The following FANCA variants were observed in gnomAD, a reference collection of about 807,000 sequenced individuals.
FANCA encodes the protein Fanconi anemia group A protein.
FANCA carries 236 observed loss-of-function variants against 194.3 expected under a neutral mutation model. The ratio of observed to expected loss-of-function variants is 1.21; its 90% CI spans 1.09 to 1.35. The LOEUF (loss-of-function observed/expected upper bound fraction) is 1.35, where lower values mean the gene tolerates loss of function less well. Among genes scored for constraint, FANCA ranks in the 40% most tolerant of loss-of-function variants. The pLI, the probability that FANCA is intolerant of heterozygous loss-of-function variation, is 0.00. For missense variants in FANCA, 2,628 were observed against 1,813.9 expected (o/e 1.45, Z -8.15); for synonymous variants, 1,014 against 715.8 (o/e 1.42, Z -6.65).
At chr16:89,803,153 T>C in intron 8 of FANCA, 106 bp downstream of exon 8, 6 of 1,084,118 alleles carry the variant, frequency 5.5e-6, no homozygotes, top group South Asian at 1.2e-5. Context: ...ACCCCGTAAA[T>C]AGGTACAAAC....
At position 89,783,091 on chromosome 16, in the gene FANCA, G is replaced by C. The variant is rs1431996844; in HGVS notation, c.1482C>G (p.Leu494=). The C allele has an allele frequency of 2.5e-6, 4 of 1,612,904 alleles. No homozygotes were observed. The highest frequency in any genetic ancestry group is 2.5e-6 in the Non-Finnish European group (3 of 1,179,024). Residue 494 remains leucine (L), a synonymous_variant, in exon 16 of 43, where the codon CTC becomes CTG. Transcript: ENST00000389301. ...ACTTGCCGGGAACCAGGGGTGGGTG[G>C]AGAATGTGCACCTGAGGATAGATAG... is the stretch of plus-strand genomic sequence containing the variant. ...ESPRYLQVHI[L]HPPLVPGKYR...
intron 36 of FANCA, chr16:89,744,719 T>G (rs2062205353): frequency 1.8e-6 from 1 of 554,598 alleles, no homozygotes; most frequent in African/African-American, 1.9e-5. Flanking sequence ...GCCGTTGGAG[T>G]GATCTCGGCT....
chr16:89,756,582 T>C (rs2038774160), intron 30 of FANCA, among the ~76,000 whole-genome samples: 1 of 152,004 alleles, frequency 6.6e-6, no homozygotes. Flanking sequence ...CTGCAGTCAC[T>C]GTACCCCAGC....
intron 26 of FANCA, 140 bp downstream of exon 26, chr16:89,769,697 A>C: frequency 2.2e-6 from 2 of 893,600 alleles, no homozygotes; most frequent in Non-Finnish European, 3.6e-6. Context: ...AAATTCTGGA[A>C]GGATATATAC....
chr16:89,787,012 C>A (rs886863048), intron 14 of FANCA, among the ~76,000 whole-genome samples: 1 of 152,232 alleles, frequency 6.6e-6, no homozygotes, highest in African/African-American at 2.4e-5. Flanking sequence ...ACAGTCCAGA[C>A]CCGTCGCCAA....
At chr16:89,767,494 G>C (rs1490397977) in intron 26 of FANCA, among the ~76,000 whole-genome samples, 1 of 151,720 alleles carries the variant, frequency 6.6e-6, no homozygotes, top group Non-Finnish European at 1.5e-5. Flanking sequence ...CAGCCTCCCA[G>C]GTAGCTGGGA....
At chr16:89,803,708 C>T (rs1426447099) in intron 7 of FANCA, among the ~76,000 whole-genome samples, 10 of 151,656 alleles carry the variant, frequency 6.6e-5, no homozygotes, top group African/African-American at 2.2e-4. Context: ...CTGCAACCTC[C>T]GCCTCCCAGG....
intron 12 of FANCA, among the ~76,000 whole-genome samples, 174 bp downstream of exon 12, chr16:89,792,297 G>T (rs1388823054): frequency 1.3e-5 from 2 of 152,176 alleles, no homozygotes; most frequent in Admixed American, 1.3e-4. Context: ...CGGCCCAAGG[G>T]ACAAGTTCAG....
chr16:89,745,914 TCCA>T (rs1598069318), intron 35 of FANCA, among the ~76,000 whole-genome samples: 1 of 152,204 alleles, frequency 6.6e-6, no homozygotes, highest in Non-Finnish European at 1.5e-5. Context: ...TCTCACGAAT[TCCA>T]CCAACTGAGC....
chr16:89,768,523 G>A (rs139097260), intron 26 of FANCA, among the ~76,000 whole-genome samples: 85 of 152,128 alleles, frequency 5.6e-4, no homozygotes, highest in African/African-American at 2.0e-3. Flanking sequence ...GGGCATGGTG[G>A]TGCACACCTG....
chr16:89,796,784 A>G (rs1339845078), intron 10 of FANCA, among the ~76,000 whole-genome samples: 1 of 152,182 alleles, frequency 6.6e-6, no homozygotes, highest in African/African-American at 2.4e-5. Context: ...GCACTCTGGG[A>G]GGCTGAGGCG....
Position 89,783,096 on chromosome 16 carries a change from T to C in FANCA, c.1477A>G (p.Ile493Val), listed in dbSNP as rs762828757. ...CCGGGAACCAGGGGTGGGTGGAGAA[T>C]GTGCACCTGAGGATAGATAGCAGAG... ...FESPRYLQVH[I>V]LHPPLVPGKY... The change falls in exon 16 of 43, where the codon ATT (isoleucine) becomes GTT (valine). Residue 493 changes from isoleucine to valine, a missense_variant. Ile to Val is a conservative substitution (Grantham distance 29). Coordinates refer to ENST00000389301, the MANE Select transcript of FANCA (RefSeq NM_000135.4). 7.4e-6 allele frequency: 12 copies of C among 1,612,204 alleles called. No individual in the cohort carries two copies. In the South Asian group the frequency reaches 9.9e-5, roughly 13 times the overall value.
intron 37 of FANCA, among the ~76,000 whole-genome samples, chr16:89,742,116 G>A (rs1332147717): frequency 1.3e-5 from 2 of 151,970 alleles, no homozygotes; most frequent in Admixed American, 6.6e-5. Flanking sequence ...CTATGGGATT[G>A]TAGGTGCGCA....
At chr16:89,783,857 G>C (rs936398757) in intron 15 of FANCA, among the ~76,000 whole-genome samples, 1 of 151,946 alleles carries the variant, frequency 6.6e-6, no homozygotes, top group African/African-American at 2.4e-5. Context: ...TCCGCCTCCC[G>C]GGTTCAAGCA....
At chr16:89,798,785 T>C in intron 10 of FANCA, 3 of 1,418,594 alleles carry the variant, frequency 2.1e-6, no homozygotes, top group South Asian at 1.5e-5. Context: ...CTACAGTGTG[T>C]TCTAGAAATG....
In FANCA at chr16:89,799,682, A is replaced by C. The variant is rs553128018; in HGVS notation, c.793-44T>G. Reference sequence around the variant, plus strand: ...AGTTACCATCTTGGTAATCTTCTGTAATTTGTGTGATACCTGCATCACACA... The same window carrying C: ...AGTTACCATCTTGGTAATCTTCTGTCATTTGTGTGATACCTGCATCACACA... On this transcript the variant is annotated intron_variant, in intron 8 of 42. Transcript: ENST00000389301. 2.7e-6 allele frequency: 4 copies of C among 1,483,724 alleles called. No homozygotes were observed. In the South Asian group the frequency reaches 4.5e-5, roughly 17 times the overall value. 91.9% of individuals were successfully genotyped at this position (1,483,724 alleles called of 1,614,324 possible).
At chr16:89,779,832 T>C (rs765514146) in intron 18 of FANCA, 37 bp downstream of exon 18, 1 of 1,576,630 alleles carries the variant, frequency 6.3e-7, no homozygotes, top group Admixed American at 1.7e-5. Flanking sequence ...CTGCACACAC[T>C]GCAGCTGCTA....
rs2039773757 is a variant in FANCA at position 89,783,011 on chromosome 16, A to G, written c.1562T>C (p.Leu521Pro). 1 of 1,613,970 alleles carries G rather than the reference A, an allele frequency of 6.2e-7. No individual in the cohort carries two copies. The change falls in exon 16 of 43, where the codon CTC becomes CCC. Residue 521 changes from leucine (L) to proline (P), a missense_variant. Coordinates refer to ENST00000389301, the MANE Select transcript of FANCA (RefSeq NM_000135.4). ...GGGCATGGAGGGACAGCTTGCCTTG[A>G]GGTCGGCCAGCCGTGTCTTGGCCAA... ...ISLAKTRLADLKVSIENMGLY... is the reference protein window; with the variant it reads ...ISLAKTRLADPKVSIENMGLY...
At chr16:89,752,954 T>C (rs1275537477) in intron 30 of FANCA, among the ~76,000 whole-genome samples, 1 of 152,086 alleles carries the variant, frequency 6.6e-6, no homozygotes, top group Non-Finnish European at 1.5e-5. Flanking sequence ...CTGACATCAG[T>C]CAGACTCGCC....
Sources: gnomAD v4.1 joint callset for allele counts (sites outside exome capture counted in the v4.1 genomes callset) on GRCh38, gnomAD v4.1.1 for gene constraint, MANE v1.5 for transcripts, NCBI Gene and HGNC (gene_info 2026-07-23, HGNC 2026-07-21) for gene names.